Variants in SDK1 observed in about 807,000 individuals in gnomAD.
The protein encoded by SDK1 is protein sidekick-1.
A neutral mutation model predicts 245.5 loss-of-function variants in SDK1; 157 were observed. That is an observed-to-expected ratio of 0.64 (90% CI 0.56 to 0.73). The LOEUF (loss-of-function observed/expected upper bound fraction) is 0.73. Among genes scored for constraint, SDK1 ranks in the 30% least tolerant of loss-of-function variants. SDK1 has a pLI of 0.00. For synonymous variants in SDK1, 1,647 were observed against 1,278.5 expected, an observed-to-expected ratio of 1.29 and a Z score of -6.15; for missense variants, 3,583 against 3,002.3, an observed-to-expected ratio of 1.19 and a Z score of -4.52.
At chr7:3,839,712 TTTTACTTTTCTTATTCAATAA>T (rs1302886734) in intron 5 of SDK1, among the ~76,000 whole-genome samples, 4 of 152,224 alleles carry the variant, frequency 2.6e-5, no homozygotes, top group African/African-American at 9.6e-5. Context: ...TTCCAGTAAA[TTTTACTTTTCTTATTCAATAA>T]TTATTTGTCA....
At chr7:3,341,272 G>T (rs755740543) in intron 1 of SDK1, among the ~76,000 whole-genome samples, 15 of 152,130 alleles carry the variant, frequency 9.9e-5, no homozygotes, top group Non-Finnish European at 1.6e-4. Flanking sequence ...GCATCTATCA[G>T]TTGACCTATA....
chr7:3,387,546 T>A (rs1781640081), intron 1 of SDK1, among the ~76,000 whole-genome samples: 1 of 152,222 alleles, frequency 6.6e-6, no homozygotes, highest in Non-Finnish European at 1.5e-5. Flanking sequence ...CAGTGGAGTT[T>A]TTAATCCTGT....
chr7:3,914,442 G>C (rs1779296059), intron 5 of SDK1, among the ~76,000 whole-genome samples: 1 of 152,186 alleles, frequency 6.6e-6, no homozygotes, highest in African/African-American at 2.4e-5. Context: ...GCGAGATTGT[G>C]GCAGAAATGA....
intron 1 of SDK1, among the ~76,000 whole-genome samples, chr7:3,418,950 C>T (rs968433505): frequency 6.6e-6 from 1 of 152,176 alleles, no homozygotes; most frequent in Non-Finnish European, 1.5e-5. Flanking sequence ...AGGTAGCTTT[C>T]TGTTAGCTCT....
intron 1 of SDK1, chr7:3,302,458 CTTTG>C (rs931829432): frequency 3.9e-5 from 6 of 152,294 alleles, no homozygotes; most frequent in African/African-American, 1.2e-4. Context: ...TTGCACTTGG[CTTTG>C]TTTTTCTCCC....
chr7:3,899,816 G>A (rs926236313), intron 5 of SDK1, among the ~76,000 whole-genome samples: 18 of 152,228 alleles, frequency 1.2e-4, no homozygotes, highest in African/African-American at 4.3e-4. Context: ...TATAGGGGGC[G>A]TTACCAGGCC....
chr7:3,326,998 T>G (rs1028729306), intron 1 of SDK1, among the ~76,000 whole-genome samples: 9 of 152,218 alleles, frequency 5.9e-5, no homozygotes, highest in Non-Finnish European at 1.0e-4. Context: ...AAAAGTGTAA[T>G]TTAGCTCTTA....
chr7:4,088,180 T>TA lies in SDK1; in HGVS notation c.3324+8597dup, dbSNP rs1409027530. Among the ~76,000 whole-genome samples, 3 of 152,336 alleles carry TA rather than the reference T, an allele frequency of 2.0e-5. No individual in the cohort carries two copies. In the South Asian group the frequency reaches 6.2e-4, roughly 32 times the overall value. Reference sequence around the variant, plus strand: ...GCTGCTCAGCCTGGTGTATTGGTGTTACAGCCAGAAACTTTGGGAATTCTC... The same window carrying TA: ...GCTGCTCAGCCTGGTGTATTGGTGTTAACAGCCAGAAACTTTGGGAATTCTC... On this transcript the variant is annotated intron_variant, in intron 22 of 44. Coordinates refer to ENST00000404826, the MANE Select transcript of SDK1 (RefSeq NM_152744.4).
intron 1 of SDK1, among the ~76,000 whole-genome samples, chr7:3,462,554 C>T (rs969092192): frequency 9.9e-5 from 15 of 152,150 alleles, no homozygotes; most frequent in African/African-American, 3.1e-4. Context: ...TACCTGTTAA[C>T]TTGATATTTC....
chr7:4,008,188 G>A (rs573878920), intron 14 of SDK1, among the ~76,000 whole-genome samples: 1 of 152,280 alleles, frequency 6.6e-6, no homozygotes, highest in South Asian at 2.1e-4. Context: ...CTGTCCTCAA[G>A]GTTCATCCAT....
At chr7:3,585,707 GGAA>G (rs1042945023) in intron 1 of SDK1, among the ~76,000 whole-genome samples, 6 of 152,124 alleles carry the variant, frequency 3.9e-5, no homozygotes, top group Non-Finnish European at 8.8e-5. Flanking sequence ...GGTAGGGGAG[GGAA>G]GAAGGGTGGT....
chr7:3,547,729 C>A lies in SDK1; in HGVS notation c.299-71351C>A, dbSNP rs149099033. Among the ~76,000 whole-genome samples the A allele has an allele frequency of 3.0e-4, 45 of 152,260 alleles. No individual in the cohort carries two copies. In the East Asian group the frequency reaches 7.9e-3, roughly 27 times the overall value. ...TATTTCTTACCCTTTTGGATAGATACCTTTTCTAAAGGAAGCAATGATGGA... is the reference window on the plus strand; with the variant it reads ...TATTTCTTACCCTTTTGGATAGATAACTTTTCTAAAGGAAGCAATGATGGA... On this transcript the variant is annotated intron_variant, in intron 1 of 44. Transcript: ENST00000404826.
intron 4 of SDK1, among the ~76,000 whole-genome samples, chr7:3,776,943 G>A (rs537489493): frequency 2.4e-4 from 36 of 152,180 alleles, no homozygotes; most frequent in Middle Eastern, 3.4e-3. Context: ...ATACCCACAC[G>A]GACTGTGATC....
At chr7:3,628,329 T>G (rs1292662370) in intron 2 of SDK1, among the ~76,000 whole-genome samples, 1 of 152,118 alleles carries the variant, frequency 6.6e-6, no homozygotes, top group Non-Finnish European at 1.5e-5. Context: ...AGAGTATATA[T>G]ATATGTATAT....
intron 1 of SDK1, among the ~76,000 whole-genome samples, chr7:3,403,653 A>G (rs1778949006): frequency 6.6e-6 from 1 of 151,302 alleles, no homozygotes; most frequent in African/African-American, 2.4e-5. Flanking sequence ...TCAGTATCCT[A>G]TCAGCTTTTT....
At chr7:3,515,366 A>G (rs968070468) in intron 1 of SDK1, among the ~76,000 whole-genome samples, 1 of 152,184 alleles carries the variant, frequency 6.6e-6, no homozygotes, top group Non-Finnish European at 1.5e-5. Flanking sequence ...GGAGGGCACA[A>G]ATTACATCCT....
At chr7:3,747,316 A>G (rs888883197) in intron 4 of SDK1, among the ~76,000 whole-genome samples, 8 of 152,260 alleles carry the variant, frequency 5.3e-5, no homozygotes, top group Non-Finnish European at 1.5e-5. Flanking sequence ...AAATAATGAC[A>G]TAACAACCAC....
intron 4 of SDK1, among the ~76,000 whole-genome samples, chr7:3,664,441 A>G (rs186645487): frequency 6.6e-6 from 1 of 152,118 alleles, no homozygotes; most frequent in African/African-American, 2.4e-5. Flanking sequence ...TTGTGCTTAT[A>G]AATTTGAGAA....
At chr7:3,666,013 C>T (rs974708590) in intron 4 of SDK1, among the ~76,000 whole-genome samples, 1 of 152,168 alleles carries the variant, frequency 6.6e-6, no homozygotes, top group Non-Finnish European at 1.5e-5. Flanking sequence ...TTTCTTCCTG[C>T]CACCACCTTT....
Sources: gnomAD v4.1 joint callset for allele counts (sites outside exome capture counted in the v4.1 genomes callset) on GRCh38, gnomAD v4.1.1 for gene constraint, MANE v1.5 for transcripts, NCBI Gene and HGNC (gene_info 2026-07-23, HGNC 2026-07-21) for gene names.